Variants in TRIM25 observed in about 807,000 individuals in gnomAD.
TRIM25 encodes the protein tripartite motif containing 25, also known as E3 ubiquitin/ISG15 ligase TRIM25.
TRIM25 carries 45 observed loss-of-function variants against 65.2 expected under a neutral mutation model. The observed-to-expected ratio is 0.69, with a 90% CI of 0.54 to 0.89. The LOEUF is 0.89. TRIM25 is among the 40% of genes least tolerant of loss of function. The pLI is 0.00. For missense variants in TRIM25, 714 were observed against 803.7 expected, an observed-to-expected ratio of 0.89 and a Z score of 1.35; for synonymous variants, 321 against 340.4, an observed-to-expected ratio of 0.94 and a Z score of 0.63.
intron 3 of TRIM25, 67 bp from the exon 4 acceptor site, chr17:56,901,645 C>T: frequency 8.2e-6 from 13 of 1,591,814 alleles, no homozygotes; most frequent in Non-Finnish European, 1.0e-5. Flanking sequence ...CAGTCCTCAC[C>T]AACCCCAGGA....
intron 4 of TRIM25, among the ~76,000 whole-genome samples, chr17:56,899,527 G>T (rs1909367956): frequency 6.6e-6 from 1 of 152,184 alleles, no homozygotes; most frequent in African/African-American, 2.4e-5. Flanking sequence ...ATGAGATCAA[G>T]GTCATGTAGC....
intron 5 of TRIM25, among the ~76,000 whole-genome samples, chr17:56,898,708 C>CAAA (rs58323661): frequency 7.7e-6 from 1 of 129,756 alleles, no homozygotes; most frequent in African/African-American, 2.8e-5. Context: ...AGTGAGAAAC[C>CAAA]AAAAAAAAAA....
intron 8 of TRIM25, among the ~76,000 whole-genome samples, chr17:56,892,967 G>C (rs1909212518): frequency 6.6e-6 from 1 of 152,236 alleles, no homozygotes; most frequent in Non-Finnish European, 1.5e-5. Flanking sequence ...CATTTCACTG[G>C]CAGGCTGGAA....
At chr17:56,908,386 A>G (rs1567842350) in intron 2 of TRIM25, 82 bp downstream of exon 2, 5 of 1,378,432 alleles carry the variant, frequency 3.6e-6, no homozygotes, top group Non-Finnish European at 5.1e-6. Context: ...CAGCCTTGTC[A>G]TGGTCAGAGC....
chr17:56,903,951 C>T (rs1204469357), intron 3 of TRIM25, among the ~76,000 whole-genome samples: 1 of 152,150 alleles, frequency 6.6e-6, no homozygotes, highest in African/African-American at 2.4e-5. Flanking sequence ...CCCTGAGCTC[C>T]AAAGGAAACA....
chr17:56,898,708 CAA>C (rs58323661), intron 5 of TRIM25, among the ~76,000 whole-genome samples: 4 of 129,716 alleles, frequency 3.1e-5, no homozygotes. Context: ...AGTGAGAAAC[CAA>C]AAAAAAAAAA....
rs2144356010 is a variant in TRIM25 at position 56,901,429 on chromosome 17, G to A, written c.1077C>T (p.Thr359=). The change falls in exon 4 of 9, where the codon ACC becomes ACT. Residue 359 remains threonine, a synonymous_variant. Transcript: ENST00000316881. The part of the protein sequence containing the change: ...KQCIGRLQEP[T]PSSGDPGEHD... The stretch of plus-strand genomic sequence containing the variant: ...GGCTGCTAAGGTCACCTGAACTGGG[G>A]GTGGGCTCCTGGAGCCGCCCGATGC... 2 of 1,613,848 alleles carry A rather than the reference G, an allele frequency of 1.2e-6. No homozygotes were observed. Among genetic ancestry groups the A allele is most frequent in the South Asian group, 2.2e-5 (2 of 91,074 alleles).
intron 2 of TRIM25, among the ~76,000 whole-genome samples, chr17:56,905,669 T>C (rs1216304744): frequency 6.6e-6 from 1 of 152,176 alleles, no homozygotes; most frequent in South Asian, 2.1e-4. Flanking sequence ...ATATTAAAAT[T>C]AATCTCAGTC....
At chr17:56,903,109 T>C (rs1188539057) in intron 3 of TRIM25, among the ~76,000 whole-genome samples, 1 of 152,208 alleles carries the variant, frequency 6.6e-6, no homozygotes, top group Non-Finnish European at 1.5e-5. Context: ...CTTTATAAAT[T>C]ACTCAGTCTG....
chr17:56,897,807 T>C (rs912416511), intron 5 of TRIM25, among the ~76,000 whole-genome samples: 11 of 152,218 alleles, frequency 7.2e-5, no homozygotes, highest in African/African-American at 2.6e-4. Flanking sequence ...AGGACACAGG[T>C]CAACAGTACC....
chr17:56,910,788 C>T (rs1419303129), intron 1 of TRIM25, among the ~76,000 whole-genome samples: 3 of 151,730 alleles, frequency 2.0e-5, no homozygotes, highest in African/African-American at 4.9e-5. Flanking sequence ...GTCTCAAGTC[C>T]GACCCCACCA....
intron 3 of TRIM25, 72 bp from the exon 4 acceptor site, chr17:56,901,650 C>T: frequency 6.3e-7 from 1 of 1,582,356 alleles, no homozygotes; most frequent in Non-Finnish European, 8.6e-7. Flanking sequence ...CTCACCAACC[C>T]CAGGAGGCTC....
intron 5 of TRIM25, among the ~76,000 whole-genome samples, chr17:56,897,060 T>A (rs1909308716): frequency 6.6e-6 from 1 of 151,710 alleles, no homozygotes; most frequent in Non-Finnish European, 1.5e-5. Context: ...CTGCAATGAG[T>A]TCTGTTCGCA....
Position 56,891,197 on chromosome 17 carries a change from A to G in TRIM25, c.*503T>C. ...AGCACAGATAATAACCAGGAGATCA[A>G]GCCCCAACATGCGGGTAATGGAGTT... On this transcript the variant is annotated 3_prime_UTR_variant, in exon 9 of 9. Transcript: ENST00000316881. 5 of 344,732 alleles carry G rather than the reference A, an allele frequency of 1.5e-5. 1 individual carries two copies. The highest frequency in any genetic ancestry group is 1.1e-4 in the South Asian group (5 of 45,158). 21.4% of individuals were successfully genotyped at this position (344,732 alleles called of 1,614,324 possible).
chr17:56,891,665 T>A lies in TRIM25; in HGVS notation c.*35A>T. 1 of 1,591,394 alleles carries A rather than the reference T, an allele frequency of 6.3e-7. No homozygotes were observed. ...GTATTTTCACTAGGGTCTTGGGACT[T>A]CTGCAGGCAGTCAGCCCAAGTGCCT... On this transcript the variant is annotated 3_prime_UTR_variant, in exon 9 of 9. Transcript: ENST00000316881.
intron 8 of TRIM25, among the ~76,000 whole-genome samples, chr17:56,894,841 G>A (rs557811891): frequency 6.6e-6 from 1 of 152,356 alleles, no homozygotes; most frequent in African/African-American, 2.4e-5. Context: ...CAGATGCGAT[G>A]TCAATAACAG....
At chr17:56,900,352 A>T (rs1338198909) in intron 4 of TRIM25, among the ~76,000 whole-genome samples, 2 of 152,180 alleles carry the variant, frequency 1.3e-5, no homozygotes, top group East Asian at 3.8e-4. Context: ...ACGCCATTGC[A>T]TTCCGGCCTG....
chr17:56,892,716 C>T (rs1044640773), intron 8 of TRIM25, among the ~76,000 whole-genome samples: 2 of 152,166 alleles, frequency 1.3e-5, no homozygotes, highest in East Asian at 1.9e-4. Flanking sequence ...ATCAGTCATC[C>T]GTATGTCTGT....
In TRIM25 at chr17:56,908,602, C is replaced by T. The variant is rs765682310; in HGVS notation, c.598-39G>A. 3.2e-6 allele frequency: 5 copies of T among 1,580,248 alleles called. No individual in the cohort carries two copies. The East Asian group carries it at 8.9e-5, about 28-fold the overall frequency. On this transcript the variant is annotated intron_variant, in intron 1 of 8. Transcript: ENST00000316881. Reference sequence around the variant, plus strand: ...AAATGAGGTTGAGAATGCACCTCTTCAGCCCAGCCCCACCAGAAGCCATCC... The same window carrying T: ...AAATGAGGTTGAGAATGCACCTCTTTAGCCCAGCCCCACCAGAAGCCATCC...
Sources: allele counts gnomAD v4.1 joint callset (sites outside exome capture counted in the v4.1 genomes callset), GRCh38; gene constraint gnomAD v4.1.1; transcripts MANE v1.5; gene names NCBI Gene and HGNC (gene_info 2026-07-23, HGNC 2026-07-21).